Variants in NEBL observed in about 807,000 individuals in gnomAD.
NEBL encodes nebulette, also known as LIM and SH3 protein 2.
A neutral mutation model predicts 140.2 loss-of-function variants in NEBL; 122 were observed. The observed-to-expected ratio is 0.87, with a 90% CI of 0.75 to 1.01. The LOEUF (loss-of-function observed/expected upper bound fraction) is 1.01. Ranked by LOEUF, NEBL falls within the 50% of genes least tolerant of loss-of-function variation. The pLI, the probability that NEBL is intolerant of heterozygous loss-of-function variation, is 0.00. For missense variants in NEBL, 1,365 were observed against 1,231.3 expected, an observed-to-expected ratio of 1.11 and a Z score of -1.62; for synonymous variants, 436 against 398.9, an observed-to-expected ratio of 1.09 and a Z score of -1.11.
At chr10:21,179,577 G>T (rs1359694386), upstream of NEBL, among the ~76,000 whole-genome samples, 1 of 152,090 alleles carries the variant, frequency 6.6e-6, no homozygotes, top group Non-Finnish European at 1.5e-5. Context: ...TCCTCACTCG[G>T]TGCTCTGCGA....
chr10:21,026,618 A>G (rs1833509258), intron 2 of NEBL, among the ~76,000 whole-genome samples: 1 of 152,182 alleles, frequency 6.6e-6, no homozygotes, highest in African/African-American at 2.4e-5. Context: ...TTACCTAACC[A>G]CTGTCACATT....
chr10:20,864,396 C>T (rs1321451316), intron 7 of NEBL, among the ~76,000 whole-genome samples: 1 of 152,130 alleles, frequency 6.6e-6, no homozygotes, highest in East Asian at 1.9e-4. Context: ...AAGTTTACAA[C>T]TACGGGAGCA....
At chr10:20,886,020 T>A (rs1248087067) in intron 4 of NEBL, among the ~76,000 whole-genome samples, 1 of 152,182 alleles carries the variant, frequency 6.6e-6, no homozygotes, top group East Asian at 1.9e-4. Flanking sequence ...CTCAGCATTT[T>A]TCAAGAGTAA....
At chr10:21,022,346 G>A (rs971767230) in intron 2 of NEBL, among the ~76,000 whole-genome samples, 5 of 152,088 alleles carry the variant, frequency 3.3e-5, no homozygotes, top group East Asian at 1.9e-4. Flanking sequence ...TGTCCCTGGC[G>A]TCCCATGAGA....
chr10:20,949,271 G>T (rs959709173), intron 4 of NEBL, among the ~76,000 whole-genome samples: 14 of 152,052 alleles, frequency 9.2e-5, no homozygotes, highest in Non-Finnish European at 1.5e-5. Flanking sequence ...ACAGGGAGGG[G>T]AACATCACAC....
At chr10:21,290,024 CT>C (rs1435219085) in intron 1 of NEBL, among the ~76,000 whole-genome samples, 1 of 152,172 alleles carries the variant, frequency 6.6e-6, no homozygotes, top group African/African-American at 2.4e-5. Context: ...AACTTTTTCT[CT>C]TGATCTTTAC....
At chr10:20,992,765 C>CTTT (rs35627113) in intron 3 of NEBL, among the ~76,000 whole-genome samples, 734 of 52,502 alleles carry the variant, frequency 0.014, 136 homozygotes, top group African/African-American at 0.04. Context: ...ACTACAAAGT[C>CTTT]TTTTTTTTTT....
intron 4 of NEBL, among the ~76,000 whole-genome samples, chr10:20,953,120 T>G (rs984034895): frequency 6.6e-6 from 1 of 152,118 alleles, no homozygotes; most frequent in Admixed American, 6.5e-5. Context: ...CTGAACTGTG[T>G]ACCACCCCAA....
intron 2 of NEBL, among the ~76,000 whole-genome samples, chr10:21,124,897 C>G (rs1248781803): frequency 6.6e-6 from 1 of 152,204 alleles, no homozygotes; most frequent in Non-Finnish European, 1.5e-5. Context: ...AAGTTTGAGG[C>G]TGCAGTGAGT....
At chr10:20,977,433 T>C (rs2131652292) in intron 3 of NEBL, among the ~76,000 whole-genome samples, 1 of 152,280 alleles carries the variant, frequency 6.6e-6, no homozygotes, top group Non-Finnish European at 1.5e-5. Flanking sequence ...AATTTCTAGT[T>C]ATAGTACAAA....
intron 3 of NEBL, among the ~76,000 whole-genome samples, chr10:20,971,028 A>G (rs1836546358): frequency 6.6e-6 from 1 of 152,236 alleles, no homozygotes; most frequent in African/African-American, 2.4e-5. Flanking sequence ...TATTATCTGT[A>G]ACGGATCCTG....
chr10:20,937,715 C>A (rs1327456772), intron 4 of NEBL, among the ~76,000 whole-genome samples: 1 of 152,122 alleles, frequency 6.6e-6, no homozygotes, highest in Admixed American at 6.6e-5. Context: ...ACAGATGGCA[C>A]CTGGAAAATC....
chr10:21,159,128 T>C (rs1435427075), intron 2 of NEBL, among the ~76,000 whole-genome samples: 3 of 152,210 alleles, frequency 2.0e-5, no homozygotes, highest in Non-Finnish European at 4.4e-5. Context: ...TTTTTAAAGA[T>C]GTATTCCCCC....
At chr10:20,817,995 C>T (rs756571655) in intron 20 of NEBL, among the ~76,000 whole-genome samples, 3 of 152,094 alleles carry the variant, frequency 2.0e-5, no homozygotes, top group African/African-American at 7.2e-5. Context: ...AAAAGAAACG[C>T]CAGAATGAAG....
chr10:20,970,754 T>C (rs1836534611), intron 3 of NEBL, among the ~76,000 whole-genome samples: 1 of 152,204 alleles, frequency 6.6e-6, no homozygotes, highest in Non-Finnish European at 1.5e-5. Flanking sequence ...TTAAGGTCCA[T>C]TTCACAGATG....
At chr10:20,803,812 AATATATAT>A (rs773980585) in intron 26 of NEBL, among the ~76,000 whole-genome samples, 1 of 143,566 alleles carries the variant, frequency 7.0e-6, no homozygotes, top group Non-Finnish European at 1.5e-5. Flanking sequence ...CTGTACGAAA[AATATATAT>A]ATATATATAT....
chr10:20,970,619 A>AT (rs1836528441), intron 3 of NEBL, among the ~76,000 whole-genome samples: 1 of 152,134 alleles, frequency 6.6e-6, no homozygotes, highest in South Asian at 2.1e-4. Context: ...ACTGCACTCC[A>AT]GCCTGGAAAA....
intron 25 of NEBL, among the ~76,000 whole-genome samples, chr10:20,809,578 T>C (rs538596559): frequency 3.1e-4 from 47 of 152,330 alleles, no homozygotes; most frequent in African/African-American, 8.2e-4. Flanking sequence ...TTCTTACTAA[T>C]AAAAAGCTTA....
intron 1 of NEBL, among the ~76,000 whole-genome samples, chr10:21,253,132 G>A (rs2132274048): frequency 6.6e-6 from 1 of 152,220 alleles, no homozygotes; most frequent in East Asian, 1.9e-4. Context: ...CATGATGGCA[G>A]GCACCTGTAA....
Sources: allele counts gnomAD v4.1 joint callset (sites outside exome capture counted in the v4.1 genomes callset), GRCh38; gene constraint gnomAD v4.1.1; transcripts MANE v1.5; gene names NCBI Gene and HGNC (gene_info 2026-07-23, HGNC 2026-07-21).